SVOPL: variants seen among roughly 807,000 people sequenced by gnomAD.
The protein encoded by SVOPL is putative transporter SVOPL.
In SVOPL, 60 loss-of-function variants were observed where a neutral mutation model predicts 61.0. That is an observed-to-expected ratio of 0.98 (90% CI 0.80 to 1.22). The LOEUF (loss-of-function observed/expected upper bound fraction) is 1.22. Among genes scored for constraint, SVOPL ranks in the 50% most tolerant of loss-of-function variants. SVOPL has a pLI of 0.00. For synonymous variants in SVOPL, 279 were observed against 250.0 expected (o/e 1.12, Z -1.09); for missense variants, 662 against 643.9 (o/e 1.03, Z -0.30).
At chr7:138,658,284 T>C (rs562509349) in intron 6 of SVOPL, among the ~76,000 whole-genome samples, 18 of 152,228 alleles carry the variant, frequency 1.2e-4, no homozygotes, top group African/African-American at 4.1e-4. Context: ...ATCTGACATA[T>C]TCCCCCCCCT....
intron 14 of SVOPL, among the ~76,000 whole-genome samples, chr7:138,603,781 A>G (rs1798628113): frequency 6.6e-6 from 1 of 152,082 alleles, no homozygotes; most frequent in South Asian, 2.1e-4. Flanking sequence ...TATACCCTCC[A>G]ATGAAAAGAG....
chr7:138,608,640 C>T (rs530800168), intron 14 of SVOPL, among the ~76,000 whole-genome samples: 1 of 151,924 alleles, frequency 6.6e-6, no homozygotes, highest in Non-Finnish European at 1.5e-5. Context: ...TGGACATGTA[C>T]GATGTGGGCA....
chr7:138,625,904 G>C (rs6949767), intron 13 of SVOPL, 65 bp downstream of exon 13: 3 of 1,521,186 alleles, frequency 2.0e-6, no homozygotes, highest in South Asian at 1.2e-5. Flanking sequence ...CATTACCTTT[G>C]GATGGACATC....
intron 9 of SVOPL, among the ~76,000 whole-genome samples, chr7:138,631,960 T>TCTCTCTCACACACA (rs935815206): frequency 6.8e-6 from 1 of 146,966 alleles, no homozygotes; most frequent in African/African-American, 2.5e-5. Context: ...TGCTCTGATA[T>TCTCTCTCACACACA]CACACACACA....
chr7:138,696,357 A>C (rs1803064879), intron 1 of SVOPL, among the ~76,000 whole-genome samples: 1 of 151,868 alleles, frequency 6.6e-6, no homozygotes, highest in East Asian at 1.9e-4. Context: ...CAGTCTCCCA[A>C]ATAGCTGGAA....
At chr7:138,674,402 A>G (rs1319957647) in intron 3 of SVOPL, among the ~76,000 whole-genome samples, 1 of 151,980 alleles carries the variant, frequency 6.6e-6, no homozygotes, top group African/African-American at 2.4e-5. Flanking sequence ...ATCAATGCTG[A>G]TGGAAGAATC....
rs961802666 is a variant in SVOPL at position 138,655,027 on chromosome 7, C to CA, written c.534+1420dup. ...GCAACATGGAGAAACCCCATCTCTA[C>CA]AAAAAATACAACAATCAGCTGGCGT... On this transcript the variant is annotated intron_variant, in intron 7 of 15. Transcript: ENST00000674285. 2.9e-3 allele frequency among the ~76,000 whole-genome samples: 444 copies of CA among 151,688 alleles called. 6 individuals carry two copies. The highest frequency in any genetic ancestry group is 6.3e-4 in the Non-Finnish European group (43 of 67,950).
chr7:138,652,805 T>C (rs1801506544), intron 7 of SVOPL, among the ~76,000 whole-genome samples: 1 of 152,028 alleles, frequency 6.6e-6, no homozygotes, highest in Non-Finnish European at 1.5e-5. Flanking sequence ...TTTGTATTTT[T>C]AGTAGAAACA....
intron 7 of SVOPL, among the ~76,000 whole-genome samples, chr7:138,653,178 G>A (rs1462329925): frequency 6.6e-6 from 1 of 152,174 alleles, no homozygotes; most frequent in Admixed American, 6.6e-5. Context: ...GAGGTTTAAG[G>A]GAAGACGCTG....
intron 14 of SVOPL, among the ~76,000 whole-genome samples, chr7:138,611,560 T>C (rs1799001875): frequency 6.6e-6 from 1 of 152,182 alleles, no homozygotes; most frequent in Non-Finnish European, 1.5e-5. Context: ...TTGATTCCCA[T>C]TAACTTGTGA....
At chr7:138,668,113 A>C (rs530492268) in intron 4 of SVOPL, among the ~76,000 whole-genome samples, 1 of 152,186 alleles carries the variant, frequency 6.6e-6, no homozygotes, top group South Asian at 2.1e-4. Context: ...CAGACCAATA[A>C]ACTGGTTCAT....
chr7:138,671,167 G>A (rs920195114), intron 4 of SVOPL, among the ~76,000 whole-genome samples: 3 of 152,054 alleles, frequency 2.0e-5, no homozygotes, highest in African/African-American at 7.2e-5. Context: ...TCAGCAGGTG[G>A]GGTGCTTCTG....
At chr7:138,627,049 C>T (rs1443804061) in intron 12 of SVOPL, among the ~76,000 whole-genome samples, 3 of 152,150 alleles carry the variant, frequency 2.0e-5, no homozygotes, top group Non-Finnish European at 2.9e-5. Flanking sequence ...ATGTAATAAA[C>T]AACCAGAGTC....
At chr7:138,641,255 AG>A (rs1800768834) in intron 9 of SVOPL, among the ~76,000 whole-genome samples, 1 of 148,596 alleles carries the variant, frequency 6.7e-6, no homozygotes, top group Non-Finnish European at 1.5e-5. Context: ...ACTTAAATTC[AG>A]TTTAGACAAC....
intron 14 of SVOPL, among the ~76,000 whole-genome samples, chr7:138,606,089 G>A (rs998554100): frequency 6.6e-6 from 1 of 151,910 alleles, no homozygotes; most frequent in East Asian, 1.9e-4. Context: ...ACTACGGTAG[G>A]AGCCGGGAAC....
chr7:138,657,063 A>T (rs2117059101), intron 6 of SVOPL, among the ~76,000 whole-genome samples: 1 of 151,978 alleles, frequency 6.6e-6, no homozygotes, highest in African/African-American at 2.4e-5. Flanking sequence ...AAAGAAATAT[A>T]AGCCTTATCT....
In SVOPL at chr7:138,644,781, A is replaced by G; in HGVS notation, c.725T>C (p.Leu242Pro). The change falls in exon 9 of 16, where the codon CTG (leucine) becomes CCG (proline). Residue 242 changes from leucine (L) to proline (P), a missense_variant. By Grantham distance (98) the Leu-to-Pro change is moderately conservative. Transcript: ENST00000674285. ...GCGGTTCATCTTGGCAACGCGCTCC[A>G]GAGTGGCCAGGGCAGCCCGAGTGTT... ...TGNTRAALATLERVAKMNRSV... is the reference protein window; with the variant it reads ...TGNTRAALATPERVAKMNRSV... 1 of 1,614,208 alleles carries G rather than the reference A, an allele frequency of 6.2e-7. No homozygotes were observed. The highest frequency in any genetic ancestry group is 8.5e-7 in the Non-Finnish European group (1 of 1,180,040).
chr7:138,648,219 G>A (rs746187293), intron 8 of SVOPL, among the ~76,000 whole-genome samples: 2 of 152,178 alleles, frequency 1.3e-5, no homozygotes, highest in Middle Eastern at 3.4e-3. Context: ...GGACGGAGCC[G>A]TCAGACAAAA....
At chr7:138,651,830 AGT>A (rs1801450078) in intron 7 of SVOPL, among the ~76,000 whole-genome samples, 1 of 152,176 alleles carries the variant, frequency 6.6e-6, no homozygotes, top group African/African-American at 2.4e-5. Context: ...CAGATACAAC[AGT>A]ATTGAAATTT....
Sources: gnomAD v4.1 joint callset for allele counts (sites outside exome capture counted in the v4.1 genomes callset) on GRCh38, gnomAD v4.1.1 for gene constraint, MANE v1.5 for transcripts, NCBI Gene and HGNC (gene_info 2026-07-23, HGNC 2026-07-21) for gene names.